The following PP2D1 variants were observed in gnomAD, a reference collection of about 807,000 sequenced individuals.
PP2D1 encodes the protein protein phosphatase 2C-like domain-containing protein 1.
A neutral mutation model predicts 30.2 loss-of-function variants in PP2D1; 25 were observed. That is an observed-to-expected ratio of 0.83 (90% CI 0.60 to 1.16). The LOEUF (loss-of-function observed/expected upper bound fraction) is 1.16, where lower values mean the gene tolerates loss of function less well. Ranked by LOEUF, PP2D1 falls within the 50% of genes most tolerant of loss-of-function variation. The pLI is 0.00. For missense variants in PP2D1, 760 were observed against 742.4 expected (o/e 1.02, Z -0.28); for synonymous variants, 260 against 258.9 (o/e 1.00, Z -0.04).
intron 2 of PP2D1, among the ~76,000 whole-genome samples, chr3:19,988,922 G>A (rs965207837): frequency 6.6e-6 from 1 of 152,030 alleles, no homozygotes; most frequent in East Asian, 1.9e-4. Flanking sequence ...GGAGGTGGAG[G>A]TTGCAGTAAT....
At chr3:20,010,699 A>C (rs1697374603) in intron 1 of PP2D1, among the ~76,000 whole-genome samples, 1 of 152,102 alleles carries the variant, frequency 6.6e-6, no homozygotes, top group East Asian at 1.9e-4. Flanking sequence ...GCTACTGGGG[A>C]GGCTGAGGCA....
intron 1 of PP2D1, among the ~76,000 whole-genome samples, chr3:20,003,395 T>TA (rs1553641389): frequency 1.3e-3 from 197 of 150,484 alleles, no homozygotes; most frequent in African/African-American, 3.1e-3. Context: ...TTTTTTTTTT[T>TA]AAAAAAAAGG....
intron 2 of PP2D1, among the ~76,000 whole-genome samples, chr3:19,988,677 A>G (rs111650184): frequency 1.3e-5 from 2 of 152,184 alleles, no homozygotes; most frequent in South Asian, 2.1e-4. Flanking sequence ...TTGTGGCTTG[A>G]GGGGGCATCA....
intron 1 of PP2D1, chr3:20,008,255 C>T (rs1697345819): frequency 6.4e-6 from 1 of 156,104 alleles, no homozygotes; most frequent in African/African-American, 2.4e-5. Flanking sequence ...CATCTTTCTC[C>T]TACGGTCTCA....
At chr3:20,012,012 C>CT in intron 1 of PP2D1, 38 bp downstream of exon 1, 1 of 1,456,500 alleles carries the variant, frequency 6.9e-7, no homozygotes, top group South Asian at 1.2e-5. Flanking sequence ...TACTCATTGG[C>CT]TATACGTATT....
At chr3:19,980,820 A>G (rs1020367879), downstream of PP2D1, among the ~76,000 whole-genome samples, 5 of 152,322 alleles carry the variant, frequency 3.3e-5, no homozygotes, top group East Asian at 1.9e-4. Context: ...AAGTGGCCCA[A>G]TTGAAGGCTT....
chr3:19,990,097 C>T (rs1273442818), intron 2 of PP2D1, among the ~76,000 whole-genome samples: 1 of 151,918 alleles, frequency 6.6e-6, no homozygotes, highest in Non-Finnish European at 1.5e-5. Context: ...ATAAAATATT[C>T]TAGGAGAAAG....
intron 2 of PP2D1, among the ~76,000 whole-genome samples, chr3:19,999,643 C>A (rs1697228524): frequency 6.6e-6 from 1 of 151,974 alleles, no homozygotes; most frequent in African/African-American, 2.4e-5. Flanking sequence ...CCCACCTCGG[C>A]CTCCCAAAGT....
chr3:19,987,568 G>A (rs958751704), intron 2 of PP2D1, among the ~76,000 whole-genome samples: 2 of 152,110 alleles, frequency 1.3e-5, no homozygotes, highest in Non-Finnish European at 2.9e-5. Context: ...GCTTGCAGGA[G>A]GAGTTCAATT....
intron 2 of PP2D1, among the ~76,000 whole-genome samples, chr3:19,992,172 A>G (rs1417788055): frequency 1.3e-5 from 2 of 152,198 alleles, no homozygotes; most frequent in Non-Finnish European, 2.9e-5. Flanking sequence ...TGGATGTTCA[A>G]AATGTCCTTT....
At chr3:19,990,570 A>G (rs939643149) in intron 2 of PP2D1, among the ~76,000 whole-genome samples, 2 of 152,234 alleles carry the variant, frequency 1.3e-5, no homozygotes, top group Admixed American at 1.3e-4. Context: ...TTCATCAGGA[A>G]GACTACTAAT....
intron 2 of PP2D1, among the ~76,000 whole-genome samples, chr3:19,997,439 C>CA (rs1474987742): frequency 6.6e-6 from 1 of 151,444 alleles, no homozygotes; most frequent in Non-Finnish European, 1.5e-5. Flanking sequence ...TTGTTCCCCC[C>CA]AAACATCATG....
chr3:19,980,923 A>G (rs1008524928), downstream of PP2D1, among the ~76,000 whole-genome samples: 1 of 152,232 alleles, frequency 6.6e-6, no homozygotes, highest in African/African-American at 2.4e-5. Context: ...GTAGAATGGA[A>G]TGTGTAGAAC....
intron 1 of PP2D1, among the ~76,000 whole-genome samples, chr3:20,006,048 T>C (rs968418551): frequency 2.0e-5 from 3 of 152,148 alleles, no homozygotes; most frequent in Non-Finnish European, 4.4e-5. Flanking sequence ...AGTTTGGGAC[T>C]AGCCCAGCCA....
At position 20,012,184 on chromosome 3, in the gene PP2D1, T is replaced by C. The variant is rs6802632; in HGVS notation, c.-112A>G. 0.18 allele frequency: 154,027 copies of C among 850,176 alleles called. 15,986 individuals are homozygous for C. The highest frequency in any genetic ancestry group is 0.23 in the Middle Eastern group (1,018 of 4,492). The allele number at this position is 850,176 out of a possible 1,614,324, so 52.7% of individuals were successfully genotyped here. ...TGGAGGTAGAGGTGAATGTGATGGCTGTGGCAGAAGTAGTGGTGATGGTGA... is the reference window on the plus strand; with the variant it reads ...TGGAGGTAGAGGTGAATGTGATGGCCGTGGCAGAAGTAGTGGTGATGGTGA... On this transcript the variant is annotated 5_prime_UTR_variant, in exon 1 of 3. Transcript: ENST00000389050.
chr3:19,981,643 T>TA (rs1696930060), downstream of PP2D1, among the ~76,000 whole-genome samples: 1 of 151,500 alleles, frequency 6.6e-6, no homozygotes, highest in African/African-American at 2.4e-5. Context: ...ATCAAAAACA[T>TA]ACAACTTAGG....
downstream of PP2D1, among the ~76,000 whole-genome samples, chr3:19,981,469 C>A (rs952472804): frequency 6.6e-6 from 1 of 152,110 alleles, no homozygotes; most frequent in South Asian, 2.1e-4. Flanking sequence ...GAAAAATTAG[C>A]TGGGTGTGGT....
intron 1 of PP2D1, among the ~76,000 whole-genome samples, chr3:20,005,985 G>T (rs909000658): frequency 6.6e-6 from 1 of 151,914 alleles, no homozygotes; most frequent in African/African-American, 2.4e-5. Flanking sequence ...AGTGGCTCAC[G>T]CATAATCCCA....
chr3:19,986,750 A>G (rs934662755), intron 2 of PP2D1, among the ~76,000 whole-genome samples: 42 of 150,526 alleles, frequency 2.8e-4, no homozygotes, highest in African/African-American at 9.1e-4. Context: ...ATTTAAGTCA[A>G]TCCGCCAGGT....
Sources: allele counts gnomAD v4.1 joint callset (sites outside exome capture counted in the v4.1 genomes callset), GRCh38; gene constraint gnomAD v4.1.1; transcripts MANE v1.5; gene names NCBI Gene and HGNC (gene_info 2026-07-23, HGNC 2026-07-21).